GPHN: variants seen among roughly 807,000 people sequenced by gnomAD.
The protein encoded by GPHN is gephyrin.
In GPHN, 17 loss-of-function variants were observed where a neutral mutation model predicts 95.5. The ratio of observed to expected loss-of-function variants is 0.18; its 90% CI spans 0.12 to 0.27. The LOEUF (loss-of-function observed/expected upper bound fraction) is 0.27, where lower values mean the gene tolerates loss of function less well. GPHN is among the 10% of genes least tolerant of loss of function. The probability of loss-of-function intolerance (pLI) is 1.00; values close to 1 mark genes in which losing one functional copy is unlikely to be tolerated. For missense variants in GPHN, 660 were observed against 978.1 expected (o/e 0.67, Z 4.34); for synonymous variants, 320 against 322.5 (o/e 0.99, Z 0.08).
chr14:66,535,503 C>G (rs1012413597), intron 1 of GPHN, among the ~76,000 whole-genome samples: 1 of 152,000 alleles, frequency 6.6e-6, no homozygotes, highest in Non-Finnish European at 1.5e-5. Context: ...GAAAACAAAA[C>G]TGTTAATATT....
At chr14:67,604,727 A>C in the GPHN span, among the ~76,000 whole-genome samples, 1 of 152,130 alleles carries the variant, frequency 6.6e-6, no homozygotes, top group East Asian at 1.9e-4. Context: ...AACAACAAAA[A>C]AAACTTTGCC....
intron 17 of GPHN, among the ~76,000 whole-genome samples, chr14:67,131,024 C>G (rs1470125861): frequency 6.6e-6 from 1 of 152,042 alleles, no homozygotes; most frequent in Non-Finnish European, 1.5e-5. Flanking sequence ...GGTTCAATAA[C>G]CTATTAGCCT....
At chr14:67,343,737 G>C in the GPHN span, among the ~76,000 whole-genome samples, 2 of 152,200 alleles carry the variant, frequency 1.3e-5, no homozygotes, top group African/African-American at 4.8e-5. Context: ...GGGTGTAGTA[G>C]CATGCACCTG....
chr14:66,666,089 C>T (rs919811696), intron 1 of GPHN, among the ~76,000 whole-genome samples: 14 of 81,770 alleles, frequency 1.7e-4, no homozygotes, highest in Non-Finnish European at 2.6e-4. Flanking sequence ...CATCACACAC[C>T]GGGGCCTGTC....
the GPHN span, chr14:67,562,998 C>G: frequency 1.6e-6 from 2 of 1,216,324 alleles, no homozygotes; most frequent in Non-Finnish European, 2.2e-6. Flanking sequence ...CTGCTGGCAT[C>G]CTCATGGTGG....
At chr14:66,860,224 A>G (rs1296337371) in intron 4 of GPHN, among the ~76,000 whole-genome samples, 1 of 152,178 alleles carries the variant, frequency 6.6e-6, no homozygotes, top group Non-Finnish European at 1.5e-5. Flanking sequence ...TAAAAGCACC[A>G]AGAGAAAAGA....
chr14:67,582,676 T>C, the GPHN span, among the ~76,000 whole-genome samples: 2 of 151,276 alleles, frequency 1.3e-5, no homozygotes, highest in Non-Finnish European at 2.9e-5. The surrounding 1 kb of genome is among the most constrained non-coding windows in gnomAD (Gnocchi z 5.0). Flanking sequence ...TAAAATAAAA[T>C]AAAAATAAAA....
the GPHN span, chr14:67,225,054 T>G: frequency 2.8e-6 from 4 of 1,434,464 alleles, no homozygotes; most frequent in South Asian, 2.8e-5. Flanking sequence ...CTTTTTTTCT[T>G]TCTCACTTCC....
intron 10 of GPHN, among the ~76,000 whole-genome samples, chr14:67,026,109 C>G (rs532602712): frequency 1.3e-4 from 20 of 152,286 alleles, no homozygotes; most frequent in African/African-American, 4.8e-4. Flanking sequence ...AATTTCTCTA[C>G]TTATTTGCTG....
At chr14:67,655,120 G>C in the GPHN span, among the ~76,000 whole-genome samples, 1 of 150,500 alleles carries the variant, frequency 6.6e-6, no homozygotes, top group Non-Finnish European at 1.5e-5. Flanking sequence ...TGGAATGATT[G>C]CTTGAGCCCA....
the GPHN span, among the ~76,000 whole-genome samples, chr14:67,436,078 C>T: frequency 2.0e-5 from 3 of 152,222 alleles, no homozygotes; most frequent in Non-Finnish European, 4.4e-5. Context: ...CACAGAAATG[C>T]CACCGTAGCT....
In GPHN at chr14:66,586,543, A is replaced by G. The variant is rs147349419; in HGVS notation, c.64+77952A>G. Among the ~76,000 whole-genome samples the G allele has an allele frequency of 9.6e-3, 1,462 of 152,174 alleles. 20 individuals are homozygous for G. The highest frequency in any genetic ancestry group is 0.033 in the African/African-American group (1,353 of 41,512). ...GGTGGTACCAGTTGTTCCTTTCCAT[A>G]TTTAGTGCTTCCTTCAGGAGCTCTT... On this transcript the variant is annotated intron_variant, in intron 1 of 22. Coordinates refer to ENST00000478722, the MANE Select transcript of GPHN (RefSeq NM_020806.5).
intron 17 of GPHN, among the ~76,000 whole-genome samples, chr14:67,142,433 C>T (rs2080527492): frequency 6.6e-6 from 1 of 152,162 alleles, no homozygotes; most frequent in Non-Finnish European, 1.5e-5. Context: ...TGTTCTGACA[C>T]CCAAAGATAA....
the GPHN span, among the ~76,000 whole-genome samples, chr14:67,222,866 C>T: frequency 6.6e-6 from 1 of 152,056 alleles, no homozygotes; most frequent in East Asian, 1.9e-4. Flanking sequence ...AAAAAAAATA[C>T]TGCTTCAAAA....
the GPHN span, among the ~76,000 whole-genome samples, chr14:67,220,749 A>G: frequency 6.6e-6 from 1 of 152,176 alleles, no homozygotes; most frequent in African/African-American, 2.4e-5. Flanking sequence ...GATGCTTCTC[A>G]GTCTCGCTTA....
At chr14:66,944,278 C>T (rs930376041) in intron 8 of GPHN, among the ~76,000 whole-genome samples, 2 of 152,118 alleles carry the variant, frequency 1.3e-5, no homozygotes, top group Admixed American at 6.6e-5. Context: ...GGAAGAGAAT[C>T]AATAATTAGC....
chr14:67,367,561 A>C, the GPHN span, among the ~76,000 whole-genome samples: 7 of 152,258 alleles, frequency 4.6e-5, no homozygotes, highest in Admixed American at 6.5e-5. Context: ...AGTGTTCTAC[A>C]CTTGGTCAGC....
At chr14:66,592,895 A>C (rs12588411) in intron 1 of GPHN, among the ~76,000 whole-genome samples, 47,840 of 152,156 alleles carry the variant, frequency 0.31, 11,544 homozygotes, top group African/African-American at 0.65. Flanking sequence ...ACTTAGAACC[A>C]ACCCAAGTGT....
At chr14:66,616,301 T>G (rs1365275493) in intron 1 of GPHN, among the ~76,000 whole-genome samples, 1 of 92,054 alleles carries the variant, frequency 1.1e-5, no homozygotes, top group Admixed American at 1.3e-4. Flanking sequence ...CAGTCTGTCC[T>G]TTCGGGTTTT....
Sources: gnomAD v4.1 joint callset for allele counts (sites outside exome capture counted in the v4.1 genomes callset) on GRCh38, gnomAD v4.1.1 for gene constraint, Gnocchi (gnomAD v3.1) non-coding constraint, MANE v1.5 for transcripts, NCBI Gene and HGNC (gene_info 2026-07-23, HGNC 2026-07-21) for gene names.